The following DSCAM variants were observed in gnomAD, a reference collection of about 807,000 sequenced individuals.
DSCAM encodes the protein DS cell adhesion molecule.
A neutral mutation model predicts 217.7 loss-of-function variants in DSCAM; 47 were observed. The ratio of observed to expected loss-of-function variants is 0.22; its 90% CI spans 0.17 to 0.28. DSCAM has a LOEUF of 0.28. DSCAM is among the 10% of genes least tolerant of loss of function. The pLI is 1.00. For missense variants in DSCAM, 2,080 were observed against 2,618.3 expected, an observed-to-expected ratio of 0.79 and a Z score of 4.49; for synonymous variants, 1,056 against 1,015.3, an observed-to-expected ratio of 1.04 and a Z score of -0.76.
chr21:40,738,630 C>T (rs1484668072), intron 1 of DSCAM, among the ~76,000 whole-genome samples: 1 of 152,158 alleles, frequency 6.6e-6, no homozygotes, highest in Admixed American at 6.5e-5. Context: ...ATTAGAATCA[C>T]CTAGAGTGAT....
chr21:40,161,689 G>A (rs1169647798), intron 16 of DSCAM, among the ~76,000 whole-genome samples: 2 of 152,168 alleles, frequency 1.3e-5, no homozygotes, highest in African/African-American at 2.4e-5. Context: ...TCGTTAATAT[G>A]AGAAGGGCTA....
At chr21:40,648,196 CAAAT>C (rs2089971600) in intron 3 of DSCAM, among the ~76,000 whole-genome samples, 1 of 151,880 alleles carries the variant, frequency 6.6e-6, no homozygotes, top group African/African-American at 2.4e-5. Context: ...ACAACCTGCA[CAAAT>C]ACATAAATTA....
chr21:40,639,689 A>ATGTGTGTG lies in DSCAM; in HGVS notation c.508+53113_508+53120dup, dbSNP rs56796261. On this transcript the variant is annotated intron_variant, in intron 3 of 32. Transcript: ENST00000400454. ...GCTTTGTGTATGTGTATGTGTGTGC[A>ATGTGTGTG]TGTGTGTGTGTGTGTGTGTGTCATG... 9.9e-3 allele frequency among the ~76,000 whole-genome samples: 1,493 copies of ATGTGTGTG among 150,376 alleles called. 19 individuals are homozygous for ATGTGTGTG. Among genetic ancestry groups the ATGTGTGTG allele is most frequent in the African/African-American group, 0.026 (1,049 of 40,974 alleles).
At chr21:40,241,664 A>G (rs2073154816) in intron 11 of DSCAM, among the ~76,000 whole-genome samples, 4 of 152,236 alleles carry the variant, frequency 2.6e-5, no homozygotes, top group Admixed American at 2.6e-4. Context: ...CCAGAGGAAT[A>G]TAAATCATTC....
At chr21:40,609,375 G>T (rs1418823528) in intron 3 of DSCAM, among the ~76,000 whole-genome samples, 1 of 152,212 alleles carries the variant, frequency 6.6e-6, no homozygotes, top group Non-Finnish European at 1.5e-5. Flanking sequence ...CAACAAAATT[G>T]TTGCCATAAA....
In DSCAM at chr21:40,054,411, G is replaced by C. The variant is rs568447379; in HGVS notation, c.5035+1314C>G. On this transcript the variant is annotated intron_variant, in intron 29 of 32. Coordinates refer to ENST00000400454, the MANE Select transcript of DSCAM (RefSeq NM_001389.5). Reference sequence around the variant, plus strand: ...AGAACCCAGGCCTTAGAATTTAGGAGCCATTAGGTCAAGATGTCTCCAGTG... The same window carrying C: ...AGAACCCAGGCCTTAGAATTTAGGACCCATTAGGTCAAGATGTCTCCAGTG... Among the ~76,000 whole-genome samples, 4 of 152,314 alleles carry C rather than the reference G, an allele frequency of 2.6e-5. No homozygotes were observed. In the South Asian group the frequency reaches 8.3e-4, roughly 32 times the overall value.
At chr21:40,741,288 G>C (rs2091120874) in intron 1 of DSCAM, among the ~76,000 whole-genome samples, 1 of 152,178 alleles carries the variant, frequency 6.6e-6, no homozygotes, top group African/African-American at 2.4e-5. Flanking sequence ...CTGTTGGACA[G>C]AAGGGATACA....
chr21:40,534,543 A>T (rs925888144), intron 3 of DSCAM, among the ~76,000 whole-genome samples: 2 of 151,574 alleles, frequency 1.3e-5, no homozygotes, highest in African/African-American at 4.9e-5. Flanking sequence ...GGACCTGGAG[A>T]CTCCACAGGC....
At chr21:40,760,491 G>A (rs2091322220) in intron 1 of DSCAM, among the ~76,000 whole-genome samples, 2 of 152,184 alleles carry the variant, frequency 1.3e-5, no homozygotes, top group Non-Finnish European at 2.9e-5. Flanking sequence ...CCTTACCCTA[G>A]AGACACTGTC....
rs61404590 is a variant in DSCAM, at chr21:40,033,200, G to A, written c.5686+9171C>T. Among the ~76,000 whole-genome samples, 758 of 152,266 alleles carry A rather than the reference G, an allele frequency of 5.0e-3. 12 individuals are homozygous for A. Among genetic ancestry groups the A allele is most frequent in the African/African-American group, 0.017 (708 of 41,548 alleles). ...AGATGGCCGAATAGGAACAGCTCCC[G>A]TCTACAGCTCCCAGCCTGAGCGACG... On this transcript the variant is annotated intron_variant, in intron 32 of 32. Coordinates refer to ENST00000400454, the MANE Select transcript of DSCAM (RefSeq NM_001389.5).
chr21:40,239,487 A>G (rs1794081197), intron 11 of DSCAM, among the ~76,000 whole-genome samples: 1 of 152,258 alleles, frequency 6.6e-6, no homozygotes, highest in South Asian at 2.1e-4. Flanking sequence ...GGCTCCTTCT[A>G]AGTTTTCAAG....
At position 40,692,855 on chromosome 21, in the gene DSCAM, T is replaced by A. The variant is rs1221701734; in HGVS notation, c.463A>T (p.Ile155Phe). The A allele has an allele frequency of 8.1e-6, 13 of 1,613,940 alleles. No homozygotes were observed. Among genetic ancestry groups the A allele is most frequent in the Non-Finnish European group, 1.1e-5 (13 of 1,179,962 alleles). The change falls in exon 3 of 33, where the codon ATC (isoleucine) becomes TTC (phenylalanine). Residue 155 changes from isoleucine (I) to phenylalanine (F), a missense_variant. By Grantham distance (21) the Ile-to-Phe change is conservative. Around this residue, in one of 5 missense-constraint regions of DSCAM, gnomAD observed 568 missense variants for 678.1 expected, o/e 0.84. Coordinates refer to ENST00000400454, the MANE Select transcript of DSCAM (RefSeq NM_001389.5). Reference protein sequence around the residue: ...CIIPSSVEAYITVVSWEKDTV... With the variant: ...CIIPSSVEAYFTVVSWEKDTV... ...TCTTTCTCCCATGAGACGACAGTGA[T>A]GTACGCCTCCACCGAGGAGGGGATA...
intron 3 of DSCAM, among the ~76,000 whole-genome samples, chr21:40,569,399 T>C (rs115553849): frequency 0.011 from 1,660 of 152,274 alleles, 33 homozygotes; most frequent in African/African-American, 0.038. Context: ...GTAAAGGAGA[T>C]TGTCTTTGAT....
At chr21:40,292,274 C>A (rs986753018) in intron 10 of DSCAM, among the ~76,000 whole-genome samples, 11 of 147,862 alleles carry the variant, frequency 7.4e-5, no homozygotes, top group African/African-American at 2.5e-4. Flanking sequence ...TGGAATTCTG[C>A]CTCCCCTGAA....
chr21:40,428,833 T>TACAC (rs35691309), intron 3 of DSCAM, among the ~76,000 whole-genome samples: 2,929 of 149,174 alleles, frequency 0.02, 40 homozygotes, highest in Middle Eastern at 0.031. Context: ...AGCGACCTAA[T>TACAC]ACACACACAC....
intron 3 of DSCAM, among the ~76,000 whole-genome samples, chr21:40,382,058 A>T (rs1052584797): frequency 1.3e-5 from 2 of 152,198 alleles, no homozygotes; most frequent in African/African-American, 4.8e-5. Flanking sequence ...GCCTTTTTCA[A>T]CATCTTAGTG....
chr21:40,020,545 G>C (rs2088246661), intron 32 of DSCAM, among the ~76,000 whole-genome samples: 1 of 151,404 alleles, frequency 6.6e-6, no homozygotes, highest in Non-Finnish European at 1.5e-5. Context: ...GAGAGAGAGA[G>C]AGGAGAGAGA....
chr21:40,605,783 T>C (rs868641937), intron 3 of DSCAM, among the ~76,000 whole-genome samples: 7 of 144,192 alleles, frequency 4.9e-5, no homozygotes, highest in African/African-American at 1.8e-4. Context: ...ATGTGCTTAA[T>C]GCACATTCTT....
intron 32 of DSCAM, among the ~76,000 whole-genome samples, chr21:40,041,665 A>T (rs2088752560): frequency 6.6e-6 from 1 of 152,108 alleles, no homozygotes; most frequent in Non-Finnish European, 1.5e-5. Flanking sequence ...CAGCTTTCAC[A>T]ACCCGGACGA....
Sources: allele counts gnomAD v4.1 joint callset (sites outside exome capture counted in the v4.1 genomes callset), GRCh38; gene constraint gnomAD v4.1.1; regional missense constraint gnomAD v4.1.1; transcripts MANE v1.5; gene names NCBI Gene and HGNC (gene_info 2026-07-23, HGNC 2026-07-21).